The following KMT2C variants were observed in gnomAD, a reference collection of about 807,000 sequenced individuals.
KMT2C encodes the protein histone-lysine N-methyltransferase 2C.
KMT2C carries 88 observed loss-of-function variants against 507.9 expected under a neutral mutation model. The observed-to-expected ratio is 0.17, with a 90% CI of 0.15 to 0.21. The LOEUF is 0.21. Among genes scored for constraint, KMT2C ranks in the 10% least tolerant of loss-of-function variants. The pLI, the probability that KMT2C is intolerant of heterozygous loss-of-function variation, is 1.00. For missense variants in KMT2C, 4,954 were observed against 5,957.8 expected, an observed-to-expected ratio of 0.83 and a Z score of 5.55; for synonymous variants, 2,049 against 2,080.8, an observed-to-expected ratio of 0.98 and a Z score of 0.42.
intron 1 of KMT2C, among the ~76,000 whole-genome samples, chr7:152,415,783 GGCAGGAGAACT>G (rs1427399338): frequency 1.3e-5 from 2 of 152,236 alleles, no homozygotes; most frequent in Non-Finnish European, 2.9e-5. Context: ...GGGAGGCTGA[GGCAGGAGAACT>G]GCTTGAACCT....
chr7:152,384,593 C>CTACCAA (rs2097406099), intron 1 of KMT2C, among the ~76,000 whole-genome samples: 1 of 151,688 alleles, frequency 6.6e-6, no homozygotes, highest in African/African-American at 2.4e-5. Flanking sequence ...ACCACCACCA[C>CTACCAA]CACCACCACC....
intron 1 of KMT2C, among the ~76,000 whole-genome samples, chr7:152,377,347 G>A (rs1361767424): frequency 2.0e-5 from 3 of 152,392 alleles, no homozygotes; most frequent in East Asian, 1.9e-4. Flanking sequence ...TGTTCAGAAA[G>A]AAGAATGTTA....
chr7:152,357,475 T>G (rs1305842433), intron 2 of KMT2C, among the ~76,000 whole-genome samples: 2 of 152,104 alleles, frequency 1.3e-5, no homozygotes, highest in Non-Finnish European at 2.9e-5. Flanking sequence ...GAGCTTGCAG[T>G]GAGCTGAGAT....
intron 39 of KMT2C, among the ~76,000 whole-genome samples, chr7:152,173,088 T>C (rs2093037743): frequency 6.6e-6 from 1 of 152,152 alleles, no homozygotes; most frequent in African/African-American, 2.4e-5. Flanking sequence ...AGAGAAATAG[T>C]GTTAATAAAT....
rs533856027 is a variant in KMT2C at position 152,326,812 on chromosome 7, C to T, written c.389+3789G>A. On this transcript the variant is annotated intron_variant, in intron 3 of 58. Transcript: ENST00000262189. ...AGGAGAATCGCGCGAACCCGGGAGG[C>T]GGAGCCTGCAGTGAGCTGAGATCGT... Among the ~76,000 whole-genome samples, 12 of 152,218 alleles carry T rather than the reference C, an allele frequency of 7.9e-5. No individual in the cohort carries two copies. In the South Asian group the frequency reaches 1.9e-3, roughly 24 times the overall value.
chr7:152,309,376 T>C (rs1434323055), intron 6 of KMT2C, among the ~76,000 whole-genome samples: 1 of 147,314 alleles, frequency 6.8e-6, no homozygotes, highest in East Asian at 2.0e-4. Context: ...GAGTATGGAG[T>C]GCAGTGGTGC....
At chr7:152,227,451 T>C (rs1465957653) in intron 18 of KMT2C, among the ~76,000 whole-genome samples, 1 of 152,200 alleles carries the variant, frequency 6.6e-6, no homozygotes, top group Admixed American at 6.5e-5. Context: ...CATAAGATAG[T>C]AGAAAATGGG....
intron 14 of KMT2C, among the ~76,000 whole-genome samples, chr7:152,247,617 A>G (rs375397045): frequency 0.18 from 26,653 of 148,196 alleles, 28 homozygotes; most frequent in Non-Finnish European, 0.27. Flanking sequence ...CACAGAACTA[A>G]AAGAATTTTT....
At chr7:152,414,614 T>TG (rs1483139747) in intron 1 of KMT2C, among the ~76,000 whole-genome samples, 12 of 151,706 alleles carry the variant, frequency 7.9e-5, no homozygotes, top group Non-Finnish European at 7.4e-5. Context: ...AAAAAATCTT[T>TG]TTTTTTTTTT....
intron 6 of KMT2C, among the ~76,000 whole-genome samples, chr7:152,281,826 G>A (rs574965849): frequency 2.6e-5 from 4 of 152,128 alleles, no homozygotes; most frequent in African/African-American, 9.6e-5. Context: ...TACAAATGAA[G>A]CAGAGAGGTT....
In KMT2C at chr7:152,330,702, T is replaced by C; in HGVS notation, c.288A>G (p.Ala96=). The C allele has an allele frequency of 6.2e-7, 1 of 1,614,000 alleles. No individual in the cohort carries two copies. The highest frequency in any genetic ancestry group is 8.5e-7 in the Non-Finnish European group (1 of 1,179,862). Reference sequence around the variant, plus strand: ...TTAGCTGTTTGCTGTTATCCACTTCTGCTTCAGCATCCTCTTCTGCAGATT... The same window carrying C: ...TTAGCTGTTTGCTGTTATCCACTTCCGCTTCAGCATCCTCTTCTGCAGATT... ...KEQSAEEDAE[A]EVDNSKQLIP... Residue 96 remains alanine, a synonymous_variant, in exon 3 of 59, where the codon GCA becomes GCG. Coordinates refer to ENST00000262189, the MANE Select transcript of KMT2C (RefSeq NM_170606.3).
At chr7:152,234,877 T>C (rs2095232129) in intron 16 of KMT2C, among the ~76,000 whole-genome samples, 1 of 151,632 alleles carries the variant, frequency 6.6e-6, no homozygotes, top group Admixed American at 6.6e-5. Flanking sequence ...AATGATAACC[T>C]GTCTCAGAAA....
chr7:152,315,847 AG>A (rs1563834613), intron 3 of KMT2C, among the ~76,000 whole-genome samples: 1 of 152,112 alleles, frequency 6.6e-6, no homozygotes, highest in Admixed American at 6.6e-5. Flanking sequence ...CGGGAGGTAG[AG>A]GTTGTAGTAA....
chr7:152,139,645 TG>T, intron 56 of KMT2C, 29 bp downstream of exon 56: 1 of 1,392,886 alleles, frequency 7.2e-7, no homozygotes, highest in Non-Finnish European at 1.0e-6. Context: ...GATGGTGCTG[TG>T]TATACAATCT....
intron 6 of KMT2C, among the ~76,000 whole-genome samples, chr7:152,304,452 CATG>C (rs1396367129): frequency 2.6e-5 from 4 of 152,106 alleles, no homozygotes; most frequent in African/African-American, 9.7e-5. Flanking sequence ...AGGTGACAAA[CATG>C]AGAGTTTTTT....
At chr7:152,270,059 G>A (rs1489785518) in intron 7 of KMT2C, among the ~76,000 whole-genome samples, 1 of 152,190 alleles carries the variant, frequency 6.6e-6, no homozygotes, top group Non-Finnish European at 1.5e-5. Context: ...AATTTAAGAA[G>A]GACCAAATCA....
Position 152,252,641 on chromosome 7 carries a change from A to G in KMT2C, c.1374T>C (p.Asn458=). The change falls in exon 10 of 59, where the codon AAT becomes AAC. Residue 458 remains asparagine (N), a synonymous_variant. Transcript: ENST00000262189. The part of the protein sequence containing the change: ...QWHHNCLICD[N]CYQQQDNLCP... ...ATAAGTTATCCTGCTGTTGGTAACAATTGTCACATATCAGGCAATTGTGGT... is the reference window on the plus strand; with the variant it reads ...ATAAGTTATCCTGCTGTTGGTAACAGTTGTCACATATCAGGCAATTGTGGT... The G allele has an allele frequency of 1.2e-6, 2 of 1,613,500 alleles. No homozygotes were observed. The highest frequency in any genetic ancestry group is 1.7e-6 in the Non-Finnish European group (2 of 1,179,530).
intron 9 of KMT2C, among the ~76,000 whole-genome samples, chr7:152,254,103 A>G (rs1419823649): frequency 1.3e-5 from 2 of 152,154 alleles, no homozygotes; most frequent in Non-Finnish European, 2.9e-5. Context: ...AAATGAATGC[A>G]CTTAACAACA....
At chr7:152,393,602 G>A (rs539571181) in intron 1 of KMT2C, among the ~76,000 whole-genome samples, 139 of 152,064 alleles carry the variant, frequency 9.1e-4, no homozygotes, top group Non-Finnish European at 1.4e-3. Context: ...TACCAATCAC[G>A]GCTGATGGGA....
Sources: allele counts gnomAD v4.1 joint callset (sites outside exome capture counted in the v4.1 genomes callset), GRCh38; gene constraint gnomAD v4.1.1; transcripts MANE v1.5; gene names NCBI Gene and HGNC (gene_info 2026-07-23, HGNC 2026-07-21).